COA1: variants seen among roughly 807,000 people sequenced by gnomAD.
The protein encoded by COA1 is cytochrome c oxidase assembly factor 1, also known as cytochrome c oxidase assembly factor 1 homolog.
A neutral mutation model predicts 16.0 loss-of-function variants in COA1; 13 were observed. That is an observed-to-expected ratio of 0.81 (90% confidence interval 0.53 to 1.29). The LOEUF (loss-of-function observed/expected upper bound fraction) is 1.29. Among genes scored for constraint, COA1 ranks in the 50% most tolerant of loss-of-function variants. The pLI, the probability that COA1 is intolerant of heterozygous loss-of-function variation, is 0.00. For missense variants in COA1, 179 were observed against 177.0 expected (o/e 1.01, Z -0.06); for synonymous variants, 65 against 65.7 (o/e 0.99, Z 0.05).
intron 6 of COA1, among the ~76,000 whole-genome samples, chr7:43,620,148 G>A (rs1583743053): frequency 1.3e-5 from 2 of 152,170 alleles, no homozygotes; most frequent in African/African-American, 4.8e-5. Flanking sequence ...TGGATCCATG[G>A]TTGAGTGCTT....
intron 5 of COA1, 52 bp from the exon 6 acceptor site, chr7:43,639,733 AGCCGTAGTC>A: frequency 7.0e-7 from 1 of 1,428,732 alleles, no homozygotes; most frequent in Admixed American, 1.9e-5. Flanking sequence ...CTGAGGCAAC[AGCCGTAGTC>A]AAAAAAAGGG....
intron 6 of COA1, among the ~76,000 whole-genome samples, chr7:43,610,946 A>G (rs891584700): frequency 3.9e-5 from 6 of 152,046 alleles, no homozygotes; most frequent in African/African-American, 1.2e-4. Flanking sequence ...GTGAAACCCT[A>G]TCTCTACGAA....
chr7:43,682,428 AAG>A (rs2093811006), intron 1 of COA1, among the ~76,000 whole-genome samples: 1 of 152,226 alleles, frequency 6.6e-6, no homozygotes, highest in Admixed American at 6.5e-5. Flanking sequence ...TTTTTAAACA[AAG>A]AAGTTGATAT....
intron 1 of COA1, among the ~76,000 whole-genome samples, chr7:43,666,504 A>G (rs1309276331): frequency 1.3e-5 from 2 of 152,224 alleles, no homozygotes; most frequent in Admixed American, 1.3e-4. Context: ...TGTTGTGTGT[A>G]ATGTCTATAA....
At chr7:43,645,620 T>G (rs1239297505) in intron 3 of COA1, 7 of 491,506 alleles carry the variant, frequency 1.4e-5, no homozygotes, top group South Asian at 4.4e-5. Context: ...GCAGATGACC[T>G]TGGGCCTTGA....
chr7:43,690,922 G>A (rs181965708), intron 1 of COA1, among the ~76,000 whole-genome samples: 2 of 151,614 alleles, frequency 1.3e-5, no homozygotes, highest in Admixed American at 1.3e-4. Context: ...AGAGAATCAA[G>A]AAATTCATCA....
At chr7:43,674,829 A>G (rs2093438446) in intron 1 of COA1, among the ~76,000 whole-genome samples, 1 of 150,460 alleles carries the variant, frequency 6.6e-6, no homozygotes, top group South Asian at 2.1e-4. Flanking sequence ...TATTCAAACC[A>G]ACTCTGTCCT....
intron 1 of COA1, among the ~76,000 whole-genome samples, chr7:43,669,072 C>A (rs2093077176): frequency 6.6e-6 from 1 of 152,172 alleles, no homozygotes; most frequent in African/African-American, 2.4e-5. Flanking sequence ...CACCTTTCTT[C>A]CAAGGACCCT....
chr7:43,638,905 C>G (rs1190089880), downstream of COA1: 3 of 152,302 alleles, frequency 2.0e-5, no homozygotes, highest in South Asian at 2.1e-4. Context: ...ACTAACTTTC[C>G]TAAGTTAACT....
At chr7:43,684,473 G>C (rs1407659499) in intron 1 of COA1, among the ~76,000 whole-genome samples, 1 of 152,134 alleles carries the variant, frequency 6.6e-6, no homozygotes, top group African/African-American at 2.4e-5. Flanking sequence ...AAGTGTCCCA[G>C]AAAACAAGGT....
In COA1 at chr7:43,645,404, G is replaced by A. The variant is rs1437217954; in HGVS notation, c.116-5C>T. ...ATAAAGCCCTGGAATGAAACTCTAA[G>A]GACGAAAGACACACTTATTTTCTTT... On this transcript the variant is annotated splice_polypyrimidine_tract_variant and splice_region_variant and intron_variant, in intron 3 of 5. Coordinates refer to ENST00000223336, the MANE Select transcript of COA1 (RefSeq NM_018224.4). The A allele has an allele frequency of 1.3e-5, 21 of 1,613,590 alleles. No homozygotes were observed. The Middle Eastern group carries it at 8.3e-4, about 63-fold the overall frequency.
downstream of COA1, among the ~76,000 whole-genome samples, chr7:43,636,453 A>G (rs555193777): frequency 1.3e-5 from 2 of 152,178 alleles, no homozygotes; most frequent in Non-Finnish European, 2.9e-5. Flanking sequence ...ATATTTATTC[A>G]TATTTTTCAG....
chr7:43,706,276 G>A (rs947191205), intron 1 of COA1, among the ~76,000 whole-genome samples: 10 of 151,188 alleles, frequency 6.6e-5, no homozygotes, highest in African/African-American at 1.7e-4. Flanking sequence ...AGTGGCTCAC[G>A]CCTGTAATCC....
intron 1 of COA1, among the ~76,000 whole-genome samples, chr7:43,665,478 C>T (rs1218438186): frequency 6.6e-6 from 1 of 152,216 alleles, no homozygotes; most frequent in Non-Finnish European, 1.5e-5. Flanking sequence ...CATCACTCTT[C>T]TGTACTTTTC....
intron 1 of COA1, among the ~76,000 whole-genome samples, chr7:43,655,851 A>T (rs1190323567): frequency 6.6e-6 from 1 of 152,086 alleles, no homozygotes; most frequent in Non-Finnish European, 1.5e-5. Flanking sequence ...GGCAGTTTGC[A>T]CTCTGGCACT....
chr7:43,619,741 T>C (rs1315016827), intron 6 of COA1: 1 of 1,612,108 alleles, frequency 6.2e-7, no homozygotes. Flanking sequence ...TTCATAAAAG[T>C]AGTTTTGTTC....
At chr7:43,669,553 G>A (rs888952856) in intron 1 of COA1, among the ~76,000 whole-genome samples, 5 of 152,118 alleles carry the variant, frequency 3.3e-5, no homozygotes, top group African/African-American at 9.7e-5. Flanking sequence ...GGCTACGTGA[G>A]TGACATGCCT....
At chr7:43,624,912 C>A in intron 6 of COA1, 1 of 1,309,618 alleles carries the variant, frequency 7.6e-7, no homozygotes, top group Non-Finnish European at 1.0e-6. Flanking sequence ...GACCTCTGGC[C>A]AAATGGTACA....
At chr7:43,638,120 A>G (rs2086211420), downstream of COA1, among the ~76,000 whole-genome samples, 1 of 152,226 alleles carries the variant, frequency 6.6e-6, no homozygotes, top group Non-Finnish European at 1.5e-5. Flanking sequence ...TCACTGTATA[A>G]TCTACTCAAA....
Sources: gnomAD v4.1 joint callset for allele counts (sites outside exome capture counted in the v4.1 genomes callset) on GRCh38, gnomAD v4.1.1 for gene constraint, MANE v1.5 for transcripts, NCBI Gene and HGNC (gene_info 2026-07-23, HGNC 2026-07-21) for gene names.